The following MLIP variants were observed in gnomAD, a reference collection of about 807,000 sequenced individuals.
The protein encoded by MLIP is muscular LMNA-interacting protein.
Under a neutral mutation model 84.8 loss-of-function variants are expected in MLIP, and 79 were observed. That is an observed-to-expected ratio of 0.93 (90% CI 0.78 to 1.12). The LOEUF is 1.12. Ranked by LOEUF, MLIP falls within the 50% of genes most tolerant of loss-of-function variation. The pLI, the probability that MLIP is intolerant of heterozygous loss-of-function variation, is 0.00. For missense variants in MLIP, 1,257 were observed against 1,160.6 expected (o/e 1.08, Z -1.21); for synonymous variants, 504 against 463.0 (o/e 1.09, Z -1.14).
chr6:54,177,151 A>G (rs1214221825), intron 9 of MLIP, among the ~76,000 whole-genome samples: 1 of 152,218 alleles, frequency 6.6e-6, no homozygotes, highest in Admixed American at 6.5e-5. Context: ...CAAAGATTTC[A>G]TGACAAAAAC....
In MLIP at chr6:54,067,889, CG is replaced by C. The variant is rs1766281978; in HGVS notation, c.63+48799del. 2.0e-5 allele frequency among the ~76,000 whole-genome samples: 2 copies of C among 99,652 alleles called. 1 individual carries two copies. The highest frequency in any genetic ancestry group is 7.2e-4 in the South Asian group (2 of 2,792). 65.4% of individuals were successfully genotyped at this position (99,652 alleles called of 152,430 possible). On this transcript the variant is annotated intron_variant, in intron 1 of 12. Transcript: ENST00000274897. ...ATTCACCGACCTACACATCAAGACA[CG>C]ATTGAAAATCCAAGTCTCAGCCAAG... is the stretch of plus-strand genomic sequence containing the variant.
intron 11 of MLIP, among the ~76,000 whole-genome samples, chr6:54,225,510 G>C (rs186310460): frequency 2.3e-4 from 35 of 152,278 alleles, no homozygotes; most frequent in African/African-American, 7.7e-4. Flanking sequence ...GTAGACTATA[G>C]TAATGCAAGC....
rs1481677562 is a variant in MLIP at position 54,189,907 on chromosome 6, G to C, written c.2582G>C (p.Ser861Thr). ...LSSPSSTVSESQLTKPGVIRP... is the reference protein window; with the variant it reads ...LSSPSSTVSETQLTKPGVIRP... ...TCACCATCTTCTACAGTATCTGAGAGTCAGCTGGTATGTATCTTCTAAGTC... is the reference window on the plus strand; with the variant it reads ...TCACCATCTTCTACAGTATCTGAGACTCAGCTGGTATGTATCTTCTAAGTC... Residue 861 changes from serine (S) to threonine (T), a missense_variant, in exon 10 of 14, where the codon AGT becomes ACT. Ser to Thr is a moderately conservative substitution (Grantham distance 58). Coordinates refer to ENST00000502396, the MANE Select transcript of MLIP (RefSeq NM_001281747.2). 3.1e-6 allele frequency: 5 copies of C among 1,602,244 alleles called. No homozygotes were observed. The highest frequency in any genetic ancestry group is 4.3e-6 in the Non-Finnish European group (5 of 1,170,006).
At chr6:54,216,154 T>G (rs775938956) in intron 11 of MLIP, 59 of 985,152 alleles carry the variant, frequency 6.0e-5, no homozygotes, top group Non-Finnish European at 6.9e-5. Flanking sequence ...CAAAGGGCTC[T>G]AAAGACTTAA....
At chr6:54,179,056 G>T (rs1582408730) in intron 9 of MLIP, among the ~76,000 whole-genome samples, 1 of 152,186 alleles carries the variant, frequency 6.6e-6, no homozygotes, top group East Asian at 1.9e-4. Context: ...AATAGTATTT[G>T]CTTTATATAT....
intron 12 of MLIP, among the ~76,000 whole-genome samples, chr6:54,255,949 G>A (rs1041916221): frequency 6.6e-6 from 1 of 152,132 alleles, no homozygotes; most frequent in Non-Finnish European, 1.5e-5. Context: ...TTTGAAGTTT[G>A]AAGCAGTACC....
chr6:54,224,561 A>C (rs1281035017), intron 11 of MLIP, among the ~76,000 whole-genome samples: 3 of 152,090 alleles, frequency 2.0e-5, no homozygotes. Context: ...ATCCATCCTT[A>C]GGGGAATTCT....
In MLIP at chr6:54,189,915, G is replaced by A. The variant is rs777377431; in HGVS notation, c.2589+1G>A. 2.4e-5 allele frequency: 38 copies of A among 1,598,388 alleles called. No homozygotes were observed. Among genetic ancestry groups the A allele is most frequent in the Non-Finnish European group, 2.9e-5 (34 of 1,166,864 alleles). ...TTCTACAGTATCTGAGAGTCAGCTG[G>A]TATGTATCTTCTAAGTCACAGATCT... On this transcript the variant is annotated splice_donor_variant, in intron 10 of 13. Transcript: ENST00000502396. LOFTEE classifies it high-confidence loss of function.
chr6:54,078,402 G>A (rs1007355916), intron 1 of MLIP, among the ~76,000 whole-genome samples: 1 of 152,102 alleles, frequency 6.6e-6, no homozygotes, highest in African/African-American at 2.4e-5. Flanking sequence ...GACCAGCCTG[G>A]GCAATGTAGT....
At chr6:54,109,351 T>C (rs1769250361), upstream of MLIP, among the ~76,000 whole-genome samples, 1 of 152,096 alleles carries the variant, frequency 6.6e-6, no homozygotes, top group Non-Finnish European at 1.5e-5. Context: ...GTGGAAATCT[T>C]ACATGCTGAA....
At chr6:54,174,405 G>A (rs1776075718) in intron 9 of MLIP, among the ~76,000 whole-genome samples, 1 of 151,890 alleles carries the variant, frequency 6.6e-6, no homozygotes, top group South Asian at 2.1e-4. Flanking sequence ...ATGCTCATAA[G>A]CTTTCTTATT....
intron 1 of MLIP, among the ~76,000 whole-genome samples, chr6:54,059,726 A>G (rs545248669): frequency 1.3e-5 from 2 of 152,158 alleles, no homozygotes; most frequent in Non-Finnish European, 2.9e-5. Flanking sequence ...GTATATCTAA[A>G]GGTTAGAATT....
chr6:54,236,056 G>A (rs1351296890), intron 12 of MLIP, among the ~76,000 whole-genome samples: 9 of 152,124 alleles, frequency 5.9e-5, no homozygotes. Context: ...CCATTCTCTT[G>A]GATGCCCTAC....
chr6:54,208,114 C>T (rs376262018), intron 11 of MLIP, among the ~76,000 whole-genome samples: 66 of 151,724 alleles, frequency 4.4e-4, no homozygotes, highest in African/African-American at 1.4e-3. Context: ...GGCAACAGAG[C>T]GAGACTCCAT....
intron 12 of MLIP, among the ~76,000 whole-genome samples, chr6:54,238,181 C>T (rs1781492911): frequency 6.6e-6 from 1 of 152,080 alleles, no homozygotes; most frequent in Non-Finnish European, 1.5e-5. Flanking sequence ...AATATTCTTC[C>T]TAGGCACCAT....
chr6:54,199,645 T>C (rs1255091510), intron 10 of MLIP, among the ~76,000 whole-genome samples: 1 of 151,978 alleles, frequency 6.6e-6, no homozygotes, highest in African/African-American at 2.4e-5. Flanking sequence ...ACTGGACCAA[T>C]AGTGAGAGAT....
intron 11 of MLIP, among the ~76,000 whole-genome samples, chr6:54,208,873 A>G (rs140439999): frequency 7.9e-5 from 12 of 152,324 alleles, no homozygotes; most frequent in African/African-American, 2.9e-4. Context: ...CACAGTTTCA[A>G]TTCTACAACT....
chr6:54,234,019 C>A (rs951035535), intron 12 of MLIP, among the ~76,000 whole-genome samples: 1 of 152,124 alleles, frequency 6.6e-6, no homozygotes, highest in African/African-American at 2.4e-5. Flanking sequence ...CTGTTCATAT[C>A]CTTTGCCCAC....
chr6:54,075,000 C>A (rs1392717511), intron 1 of MLIP, among the ~76,000 whole-genome samples: 1 of 152,160 alleles, frequency 6.6e-6, no homozygotes, highest in East Asian at 1.9e-4. Context: ...GTAATCCCAG[C>A]ACTTTGGGAG....
Sources: gnomAD v4.1 joint callset for allele counts (sites outside exome capture counted in the v4.1 genomes callset) on GRCh38, gnomAD v4.1.1 for gene constraint, MANE v1.5 for transcripts, NCBI Gene and HGNC (gene_info 2026-07-23, HGNC 2026-07-21) for gene names.